Variants in ANKRD36 observed in about 807,000 individuals in gnomAD.
ANKRD36 encodes the protein ankyrin repeat domain 36.
A neutral mutation model predicts 278.1 loss-of-function variants in ANKRD36; 179 were observed. The ratio of observed to expected loss-of-function variants is 0.64; its 90% CI spans 0.57 to 0.73. The LOEUF is 0.73. Among genes scored for constraint, ANKRD36 ranks in the 30% least tolerant of loss-of-function variants. The pLI, the probability that ANKRD36 is intolerant of heterozygous loss-of-function variation, is 0.00. For synonymous variants in ANKRD36, 320 were observed against 641.1 expected, an observed-to-expected ratio of 0.50 and a Z score of 7.57; for missense variants, 1,159 against 1,956.7, an observed-to-expected ratio of 0.59 and a Z score of 7.69.
At chr2:97,116,289 T>C (rs1301558361) in intron 1 of ANKRD36, among the ~76,000 whole-genome samples, 2 of 152,132 alleles carry the variant, frequency 1.3e-5, no homozygotes, top group Non-Finnish European at 2.9e-5. Flanking sequence ...TGTTTGTTTA[T>C]TTTTGAGATG....
intron 66 of ANKRD36, among the ~76,000 whole-genome samples, chr2:97,220,372 C>T (rs1421991240): frequency 4.7e-5 from 7 of 149,676 alleles, no homozygotes; most frequent in Non-Finnish European, 1.0e-4. Context: ...ATTAAGCATC[C>T]TCATTTCCTA....
intron 6 of ANKRD36, among the ~76,000 whole-genome samples, chr2:97,132,480 C>G (rs1210882145): frequency 6.7e-6 from 1 of 149,700 alleles, no homozygotes; most frequent in Admixed American, 6.7e-5. Flanking sequence ...ATAATTATTT[C>G]TATTCCTTTA....
chr2:97,229,333 C>CAT, intron 67 of ANKRD36, among the ~76,000 whole-genome samples: 1 of 151,906 alleles, frequency 6.6e-6, no homozygotes, highest in South Asian at 2.1e-4. Context: ...GTATTGGGTG[C>CAT]ATATATATTT....
At position 97,207,985 on chromosome 2, in the gene ANKRD36, T is replaced by C. The variant is rs2872838; in HGVS notation, c.3244T>C (p.Tyr1082His). The C allele has an allele frequency of 2.9e-5, 44 of 1,500,702 alleles. No homozygotes were observed. Among genetic ancestry groups the C allele is most frequent in the Non-Finnish European group, 3.7e-5 (41 of 1,121,296 alleles). 93.0% of individuals were successfully genotyped at this position (1,500,702 alleles called of 1,614,324 possible). ...SVLNIARGKK[Y>H]GEKTKRVSSR... ...TTTGAATATAGCCAGAGGAAAAAAG[T>C]ATGGAGAAAAAACTAAGAGAGGTAA... The change falls in exon 54 of 76, where the codon TAT (tyrosine) becomes CAT (histidine). Residue 1082 changes from tyrosine to histidine, a missense_variant. Physicochemically the swap from Tyr to His is moderately conservative, Grantham distance 83. Transcript: ENST00000420699.
intron 22 of ANKRD36, among the ~76,000 whole-genome samples, chr2:97,171,901 G>A (rs2052667333): frequency 1.3e-5 from 2 of 152,006 alleles, no homozygotes; most frequent in African/African-American, 4.8e-5. Flanking sequence ...GGCAACAAAA[G>A]CCAGAATTGA....
Position 97,206,129 on chromosome 2 carries a change from A to G in ANKRD36, c.3157A>G (p.Arg1053Gly), listed in dbSNP as rs1213362288. Residue 1053 changes from arginine (R) to glycine (G), a missense_variant, in exon 52 of 76, where the codon AGG (arginine) becomes GGG (glycine). Physicochemically the swap from Arg to Gly is moderately radical, Grantham distance 125. Transcript: ENST00000420699. ...AGAAAACAAGGATGGAGAAAAATCTAGGACAGGTAATTCTGAAAACAGATT... is the reference window on the plus strand; with the variant it reads ...AGAAAACAAGGATGGAGAAAAATCTGGGACAGGTAATTCTGAAAACAGATT... ...ARENKDGEKS[R>G]TVSSEKPSGL... 4 of 1,537,584 alleles carry G rather than the reference A, an allele frequency of 2.6e-6. No individual in the cohort carries two copies. The highest frequency in any genetic ancestry group is 3.5e-6 in the Non-Finnish European group (4 of 1,144,372).
chr2:97,179,791 T>C, intron 23 of ANKRD36, 25 bp downstream of exon 23: 1 of 1,596,318 alleles, frequency 6.3e-7, no homozygotes, highest in East Asian at 2.2e-5. Flanking sequence ...ATTTATATGT[T>C]GAACTATTAA....
At chr2:97,216,471 T>C (rs558920940) in intron 62 of ANKRD36, among the ~76,000 whole-genome samples, 421 of 152,172 alleles carry the variant, frequency 2.8e-3, no homozygotes, top group African/African-American at 9.6e-3. Flanking sequence ...ATGTCAAAAT[T>C]GATAATTGAT....
intron 42 of ANKRD36, among the ~76,000 whole-genome samples, chr2:97,197,263 G>A (rs76695361): frequency 6.6e-6 from 1 of 151,948 alleles, no homozygotes; most frequent in African/African-American, 2.4e-5. Context: ...GCAGGAAGGT[G>A]TGAAAAGAGG....
intron 38 of ANKRD36, among the ~76,000 whole-genome samples, chr2:97,193,300 A>C (rs1282420865): frequency 2.9e-5 from 4 of 138,964 alleles, no homozygotes; most frequent in Non-Finnish European, 4.8e-5. Flanking sequence ...AGTTCAAGGC[A>C]TAAGGGGCTC....
intron 42 of ANKRD36, among the ~76,000 whole-genome samples, chr2:97,197,901 A>G (rs1355833398): frequency 4.6e-5 from 7 of 151,900 alleles, no homozygotes; most frequent in African/African-American, 1.7e-4. Context: ...GATAATGAGT[A>G]TTATCTACTA....
At chr2:97,181,917 T>C (rs2443850) in intron 26 of ANKRD36, 124 bp downstream of exon 26, 49 of 1,267,508 alleles carry the variant, frequency 3.9e-5, no homozygotes, top group South Asian at 2.5e-4. Context: ...CCTGAGATTC[T>C]TCAGTTCTCA....
chr2:97,202,405 A>C lies in ANKRD36; in HGVS notation c.2959+12A>C. On this transcript the variant is annotated intron_variant, in intron 48 of 75. Coordinates refer to ENST00000420699, the MANE Select transcript of ANKRD36 (RefSeq NM_001354587.1). ...AAAATCTAGGACAGGTAATTTTGAA[A>C]ACAGATTTAATGTCATGTTCAGTCC... The C allele has an allele frequency of 6.5e-7, 1 of 1,546,336 alleles. No homozygotes were observed. Among genetic ancestry groups the C allele is most frequent in the Non-Finnish European group, 8.7e-7 (1 of 1,147,418 alleles).
intron 38 of ANKRD36, among the ~76,000 whole-genome samples, chr2:97,193,744 G>C (rs1019976446): frequency 6.6e-6 from 1 of 151,600 alleles, no homozygotes; most frequent in African/African-American, 2.4e-5. Context: ...ATGTTTTGTT[G>C]ATTTTAGTTA....
intron 67 of ANKRD36, among the ~76,000 whole-genome samples, chr2:97,227,604 G>T (rs2070318864): frequency 6.6e-6 from 1 of 152,196 alleles, no homozygotes; most frequent in South Asian, 2.1e-4. Flanking sequence ...TTTCCTAATT[G>T]AATACCCTTT....
chr2:97,215,852 A>C (rs1308534929), intron 62 of ANKRD36: 1 of 586,996 alleles, frequency 1.7e-6, no homozygotes, highest in East Asian at 3.4e-5. Flanking sequence ...GCGTCAGATC[A>C]TATTGTTATA....
At chr2:97,228,589 T>C (rs2070768010) in intron 67 of ANKRD36, among the ~76,000 whole-genome samples, 1 of 151,954 alleles carries the variant, frequency 6.6e-6, no homozygotes. Flanking sequence ...AAAAACCGGC[T>C]CCTGGATTCA....
At chr2:97,196,866 G>A (rs1398361913) in intron 42 of ANKRD36, 78 bp downstream of exon 42, 9 of 1,532,350 alleles carry the variant, frequency 5.9e-6, no homozygotes, top group African/African-American at 1.4e-5. Context: ...AATCAGCGGG[G>A]GGCTCATCGA....
intron 44 of ANKRD36, among the ~76,000 whole-genome samples, chr2:97,198,994 ATT>A (rs2060553268): frequency 6.6e-6 from 1 of 151,878 alleles, no homozygotes; most frequent in Non-Finnish European, 1.5e-5. Flanking sequence ...GAAGTATAGA[ATT>A]TACACACTTC....
Sources: allele counts gnomAD v4.1 joint callset (sites outside exome capture counted in the v4.1 genomes callset), GRCh38; gene constraint gnomAD v4.1.1; transcripts MANE v1.5; gene names NCBI Gene and HGNC (gene_info 2026-07-23, HGNC 2026-07-21).